The following PEMT variants were observed in gnomAD, a reference collection of about 807,000 sequenced individuals.
PEMT encodes phosphatidylethanolamine N-methyltransferase.
PEMT carries 23 observed loss-of-function variants against 27.4 expected under a neutral mutation model. The observed-to-expected ratio is 0.84, with a 90% CI of 0.60 to 1.19. The LOEUF (loss-of-function observed/expected upper bound fraction) is 1.19, where lower values mean the gene tolerates loss of function less well. Among genes scored for constraint, PEMT ranks in the 50% most tolerant of loss-of-function variants. The probability of loss-of-function intolerance (pLI) is 0.00; values close to 1 mark genes in which losing one functional copy is unlikely to be tolerated. For synonymous variants in PEMT, 137 were observed against 139.1 expected (o/e 0.98, Z 0.11); for missense variants, 307 against 310.1 (o/e 0.99, Z 0.07).
chr17:17,570,665 G>A lies in PEMT; in HGVS notation c.204+6255C>T, dbSNP rs571620606. Reference sequence around the variant, plus strand: ...AGACCTGGGATGACTGAGGATACAGGTGGGAGGACGCCTGCCAGAAGGGCC... The same window carrying A: ...AGACCTGGGATGACTGAGGATACAGATGGGAGGACGCCTGCCAGAAGGGCC... On this transcript the variant is annotated intron_variant, in intron 2 of 6. Coordinates refer to ENST00000255389, the MANE Select transcript of PEMT (RefSeq NM_148172.3). 2.2e-5 allele frequency: 22 copies of A among 985,450 alleles called. No homozygotes were observed. In the East Asian group the frequency reaches 1.0e-3, roughly 46 times the overall value. The allele number at this position is 985,450 out of a possible 1,614,324, so 61.0% of individuals were successfully genotyped here. A position where few individuals can be genotyped will look rare whatever the true frequency, so the allele number is the denominator to read the frequency against.
intron 1 of PEMT, among the ~76,000 whole-genome samples, chr17:17,584,405 T>C (rs111965687): frequency 0.04 from 6,121 of 152,236 alleles, 291 homozygotes; most frequent in African/African-American, 0.11. Flanking sequence ...ATGATCCGCC[T>C]GCCTCGGCCT....
At chr17:17,548,047 C>T (rs865883713) in intron 2 of PEMT, among the ~76,000 whole-genome samples, 1 of 152,224 alleles carries the variant, frequency 6.6e-6, no homozygotes, top group Non-Finnish European at 1.5e-5. Flanking sequence ...CGCACAGCAG[C>T]GGGATGTTCT....
chr17:17,508,972 C>T (rs1783330416), intron 5 of PEMT: 1 of 288,468 alleles, frequency 3.5e-6, no homozygotes, highest in African/African-American at 2.3e-5. Context: ...GGTCCGCAAA[C>T]TACGGCCTAG....
intron 2 of PEMT, among the ~76,000 whole-genome samples, chr17:17,536,641 G>C (rs1908494399): frequency 6.6e-6 from 1 of 152,210 alleles, no homozygotes; most frequent in South Asian, 2.1e-4. Context: ...CTGTGGGTTT[G>C]AGCAGAGGGA....
chr17:17,547,683 C>T (rs1057066979), intron 2 of PEMT, among the ~76,000 whole-genome samples: 4 of 151,962 alleles, frequency 2.6e-5, no homozygotes, highest in Admixed American at 1.3e-4. Context: ...TCATCCTCCT[C>T]GTCCTCCTCC....
intron 2 of PEMT, among the ~76,000 whole-genome samples, chr17:17,573,988 C>T (rs1188989760): frequency 2.6e-5 from 4 of 151,870 alleles, no homozygotes; most frequent in Non-Finnish European, 4.4e-5. Flanking sequence ...TGCCATGTTC[C>T]CCAGGATGGT....
intron 2 of PEMT, among the ~76,000 whole-genome samples, chr17:17,545,411 C>A (rs1245672532): frequency 6.6e-6 from 1 of 152,150 alleles, no homozygotes; most frequent in African/African-American, 2.4e-5. Context: ...CCATTGCCTG[C>A]CTACATTACA....
intron 1 of PEMT, among the ~76,000 whole-genome samples, chr17:17,583,081 A>T (rs1912065180): frequency 6.6e-6 from 1 of 150,684 alleles, no homozygotes; most frequent in Non-Finnish European, 1.5e-5. Flanking sequence ...AAAAAAGAAG[A>T]AGTTTATTCT....
At chr17:17,586,263 A>AGAAAGAAC (rs1567759230) in intron 1 of PEMT, among the ~76,000 whole-genome samples, 1 of 118,332 alleles carries the variant, frequency 8.5e-6, no homozygotes, top group Non-Finnish European at 1.7e-5. Flanking sequence ...AAAGAAAGAA[A>AGAAAGAAC]GAAAGAAAGA....
At chr17:17,526,972 C>G (rs1466390808) in intron 2 of PEMT, among the ~76,000 whole-genome samples, 1 of 152,220 alleles carries the variant, frequency 6.6e-6, no homozygotes, top group Non-Finnish European at 1.5e-5. Context: ...TTCCTAGAGA[C>G]TTCCTATTGG....
At chr17:17,528,587 G>A (rs567907624) in intron 2 of PEMT, among the ~76,000 whole-genome samples, 28 of 152,348 alleles carry the variant, frequency 1.8e-4, no homozygotes, top group African/African-American at 6.3e-4. Context: ...GGCCCCCAGG[G>A]TACCTGTAGG....
At chr17:17,560,763 A>G (rs34075240) in intron 2 of PEMT, among the ~76,000 whole-genome samples, 24,300 of 152,038 alleles carry the variant, frequency 0.16, 2,644 homozygotes, top group Middle Eastern at 0.34. Context: ...CACCAGCTGC[A>G]TGTCTACACA....
At chr17:17,584,438 G>A (rs1489737112) in intron 1 of PEMT, among the ~76,000 whole-genome samples, 1 of 152,160 alleles carries the variant, frequency 6.6e-6, no homozygotes, top group Non-Finnish European at 1.5e-5. Flanking sequence ...AGGGATTACA[G>A]GCGTGAGCCA....
chr17:17,535,809 G>A (rs974558115), intron 2 of PEMT, among the ~76,000 whole-genome samples: 2 of 152,168 alleles, frequency 1.3e-5, no homozygotes, highest in East Asian at 3.9e-4. Context: ...GTCATTAAAC[G>A]GTTCTAGTTT....
chr17:17,506,352 G>T, intron 5 of PEMT, 51 bp from the exon 6 acceptor site: 1 of 1,386,630 alleles, frequency 7.2e-7, no homozygotes, highest in Non-Finnish European at 9.9e-7. Flanking sequence ...GTCTCTCAGG[G>T]CCACGGCCCA....
At chr17:17,514,809 C>G (rs955227832) in intron 3 of PEMT, among the ~76,000 whole-genome samples, 1 of 152,260 alleles carries the variant, frequency 6.6e-6, no homozygotes, top group African/African-American at 2.4e-5. Context: ...GGTGCCGGCC[C>G]TGCTCAGGAG....
intron 2 of PEMT, among the ~76,000 whole-genome samples, chr17:17,527,098 C>T (rs4924919): frequency 0.022 from 3,332 of 152,284 alleles, 106 homozygotes; most frequent in African/African-American, 0.075. Context: ...AGTGCAACGG[C>T]GCAATCTCGG....
At position 17,514,518 on chromosome 17, in the gene PEMT, C is replaced by T. The variant is rs76032188; in HGVS notation, c.321-1864G>A. 5.5e-3 allele frequency among the ~76,000 whole-genome samples: 844 copies of T among 152,324 alleles called. 6 individuals carry two copies. Among genetic ancestry groups the T allele is most frequent in the African/African-American group, 0.018 (769 of 41,578 alleles). ...GCGGGCACACCGACCTGTTAAACAGCGGCATTCGGGTGTCAGGGCAAACCC... is the reference window on the plus strand; with the variant it reads ...GCGGGCACACCGACCTGTTAAACAGTGGCATTCGGGTGTCAGGGCAAACCC... On this transcript the variant is annotated intron_variant, in intron 3 of 6. Coordinates refer to ENST00000255389, the MANE Select transcript of PEMT (RefSeq NM_148172.3).
intron 1 of PEMT, among the ~76,000 whole-genome samples, chr17:17,581,910 G>A (rs2142755194): frequency 6.6e-6 from 1 of 152,324 alleles, no homozygotes; most frequent in South Asian, 2.1e-4. Flanking sequence ...CCCACTCAGA[G>A]ACATGATAGT....
Sources: allele counts gnomAD v4.1 joint callset (sites outside exome capture counted in the v4.1 genomes callset), GRCh38; gene constraint gnomAD v4.1.1; transcripts MANE v1.5; gene names NCBI Gene and HGNC (gene_info 2026-07-23, HGNC 2026-07-21).